Variants in WIPF1 observed in about 807,000 individuals in gnomAD.
The protein encoded by WIPF1 is WAS/WASL interacting protein family member 1.
In WIPF1, 13 loss-of-function variants were observed where a neutral mutation model predicts 35.4. That is an observed-to-expected ratio of 0.37 (90% CI 0.24 to 0.58). WIPF1 has a LOEUF of 0.58. Ranked by LOEUF, WIPF1 falls within the 20% of genes least tolerant of loss-of-function variation. WIPF1 has a pLI of 0.74. For missense variants in WIPF1, 591 were observed against 667.0 expected (o/e 0.89, Z 1.25); for synonymous variants, 267 against 266.3 (o/e 1.00, Z -0.02).
At chr2:174,595,140 A>ATATATATATATATAT (rs1260140362) in intron 1 of WIPF1, among the ~76,000 whole-genome samples, 5 of 128,546 alleles carry the variant, frequency 3.9e-5, no homozygotes, top group African/African-American at 8.9e-5. Context: ...ATATATATAT[A>ATATATATATATATAT]ATTAACTGGG....
intron 1 of WIPF1, chr2:174,673,442 A>T (rs1394363649): frequency 6.6e-6 from 1 of 152,244 alleles, no homozygotes; most frequent in African/African-American, 2.4e-5. Flanking sequence ...TCATTCCATA[A>T]ACTCATTCAG....
chr2:174,610,284 T>G (rs1274861169), intron 1 of WIPF1, among the ~76,000 whole-genome samples: 1 of 152,210 alleles, frequency 6.6e-6, no homozygotes, highest in Non-Finnish European at 1.5e-5. Flanking sequence ...CACCATTTTG[T>G]GTGGGTTTTA....
chr2:174,575,492 G>A (rs1434372627), intron 3 of WIPF1, 112 bp from the exon 4 acceptor site: 7 of 1,434,500 alleles, frequency 4.9e-6, no homozygotes, highest in Non-Finnish European at 4.6e-6. Flanking sequence ...GTGGACAACT[G>A]GGATTTCTTC....
intron 1 of WIPF1, among the ~76,000 whole-genome samples, chr2:174,647,841 T>C (rs1229601030): frequency 3.3e-5 from 5 of 152,334 alleles, no homozygotes; most frequent in African/African-American, 1.2e-4. Flanking sequence ...TTATGTAGCA[T>C]AAAGCATAAA....
At chr2:174,612,235 A>T (rs1686369936) in intron 1 of WIPF1, among the ~76,000 whole-genome samples, 1 of 152,084 alleles carries the variant, frequency 6.6e-6, no homozygotes, top group South Asian at 2.1e-4. Flanking sequence ...AGAGAAAACC[A>T]GTTATCATCT....
At chr2:174,575,463 G>A in intron 3 of WIPF1, 83 bp from the exon 4 acceptor site, 1 of 1,458,346 alleles carries the variant, frequency 6.9e-7, no homozygotes, top group Non-Finnish European at 9.0e-7. Flanking sequence ...ACAGGGAGCT[G>A]GCCGGCTCTC....
rs115814684 is a variant in WIPF1, at chr2:174,581,683, T to C, written c.52-244A>G. Among the ~76,000 whole-genome samples the C allele has an allele frequency of 5.7e-3, 862 of 152,312 alleles. 11 individuals are homozygous for C. The highest frequency in any genetic ancestry group is 0.02 in the African/African-American group (833 of 41,554). ...AGAGTCAGTCCTTGATTAAAGTCTC[T>C]GAAAATTCAGACCACAATCTGACTG... On this transcript the variant is annotated intron_variant, in intron 2 of 7. Transcript: ENST00000679041.
intron 1 of WIPF1, chr2:174,629,607 G>C (rs188511882): frequency 9.7e-4 from 147 of 152,300 alleles, no homozygotes; most frequent in Admixed American, 1.6e-3. Context: ...TTTTAGGAGA[G>C]GTCTGGTGGC....
At chr2:174,568,552 T>C (rs1461788259) in intron 5 of WIPF1, 1 of 154,594 alleles carries the variant, frequency 6.5e-6, no homozygotes, top group Non-Finnish European at 1.4e-5. Context: ...GAAGCATGTT[T>C]CTGTGATGTA....
At chr2:174,656,504 T>G (rs889983213) in intron 1 of WIPF1, among the ~76,000 whole-genome samples, 3 of 152,228 alleles carry the variant, frequency 2.0e-5, no homozygotes, top group African/African-American at 4.8e-5. Flanking sequence ...AGCTTCCATT[T>G]ACATTACATC....
chr2:174,616,586 C>T (rs1219415020), intron 1 of WIPF1, among the ~76,000 whole-genome samples: 2 of 152,268 alleles, frequency 1.3e-5, no homozygotes, highest in East Asian at 3.9e-4. Context: ...GGCTGAAATA[C>T]ATCTAGAATC....
chr2:174,588,867 C>T (rs1685515536), intron 1 of WIPF1, among the ~76,000 whole-genome samples: 1 of 152,196 alleles, frequency 6.6e-6, no homozygotes, highest in African/African-American at 2.4e-5. Flanking sequence ...GAACTAAGTG[C>T]TCTTTCCTCT....
chr2:174,602,018 C>A (rs1245834058), upstream of WIPF1, among the ~76,000 whole-genome samples: 1 of 152,144 alleles, frequency 6.6e-6, no homozygotes, highest in Non-Finnish European at 1.5e-5. Context: ...GGTTGTTATA[C>A]TATAACCAAA....
chr2:174,666,934 A>AT (rs1244420627), intron 1 of WIPF1, among the ~76,000 whole-genome samples: 4 of 152,256 alleles, frequency 2.6e-5, no homozygotes, highest in Non-Finnish European at 4.4e-5. Flanking sequence ...AAACACAAAG[A>AT]GATCCCTTTG....
intron 7 of WIPF1, chr2:174,566,696 G>C (rs1410471007): frequency 5.7e-6 from 1 of 174,348 alleles, no homozygotes; most frequent in Non-Finnish European, 1.2e-5. Context: ...CAGTTAAAGG[G>C]AGTTTTTGTT....
intron 1 of WIPF1, among the ~76,000 whole-genome samples, chr2:174,603,278 T>C (rs969996255): frequency 3.3e-5 from 5 of 152,182 alleles, no homozygotes; most frequent in Non-Finnish European, 7.4e-5. Flanking sequence ...TGCAAATAAA[T>C]TCTCTATTTT....
intron 1 of WIPF1, among the ~76,000 whole-genome samples, chr2:174,620,844 C>T (rs1216018026): frequency 1.3e-5 from 2 of 152,148 alleles, no homozygotes; most frequent in Non-Finnish European, 1.5e-5. Context: ...TGCTTGAAAG[C>T]AGGGGAAGAA....
rs570025156 is a variant in WIPF1, at chr2:174,657,298, C to G, written c.-39+25476G>C. Among the ~76,000 whole-genome samples the G allele has an allele frequency of 3.9e-5, 6 of 152,298 alleles. No individual in the cohort carries two copies. In the South Asian group the frequency reaches 1.2e-3, roughly 32 times the overall value. On this transcript the variant is annotated intron_variant, in intron 1 of 8. Coordinates refer to the WIPF1 transcript ENST00000272746. ...ATACTGGACTAATGCTTTGAAATTT[C>G]TGAATGATGTTTAGTAGGTAAAATT... is the stretch of plus-strand genomic sequence containing the variant.
chr2:174,563,466 G>A (rs1224061214), intron 7 of WIPF1, among the ~76,000 whole-genome samples: 1 of 152,136 alleles, frequency 6.6e-6, no homozygotes, highest in Non-Finnish European at 1.5e-5. Context: ...TACCTGGGAG[G>A]CTGTGGTGGG....
Sources: gnomAD v4.1 joint callset for allele counts (sites outside exome capture counted in the v4.1 genomes callset) on GRCh38, gnomAD v4.1.1 for gene constraint, MANE v1.5 for transcripts, NCBI Gene and HGNC (gene_info 2026-07-23, HGNC 2026-07-21) for gene names.